Variants in GABRB2 observed in about 807,000 individuals in gnomAD.
GABRB2 encodes gamma-aminobutyric acid type A receptor subunit beta2, also known as gamma-aminobutyric acid receptor subunit beta-2.
Under a neutral mutation model 54.7 loss-of-function variants are expected in GABRB2, and 16 were observed. The observed-to-expected ratio is 0.29, with a 90% CI of 0.20 to 0.44. GABRB2 has a LOEUF of 0.44. GABRB2 is among the 20% of genes least tolerant of loss of function. The pLI, the probability that GABRB2 is intolerant of heterozygous loss-of-function variation, is 1.00. For synonymous variants in GABRB2, 244 were observed against 233.8 expected, an observed-to-expected ratio of 1.04 and a Z score of -0.40; for missense variants, 355 against 644.0, an observed-to-expected ratio of 0.55 and a Z score of 4.86.
intron 8 of GABRB2, chr5:161,329,398 G>T (rs942291379): frequency 5.9e-5 from 9 of 152,184 alleles, no homozygotes; most frequent in Non-Finnish European, 1.3e-4. Context: ...GTGTGGGAAA[G>T]AATTTGACAA....
At chr5:161,479,276 G>A (rs1051150705) in intron 3 of GABRB2, among the ~76,000 whole-genome samples, 1 of 151,972 alleles carries the variant, frequency 6.6e-6, no homozygotes, top group African/African-American at 2.4e-5. Context: ...TGCACAAACA[G>A]GCCAGGATTG....
chr5:161,453,083 T>C (rs1344395006), intron 4 of GABRB2, among the ~76,000 whole-genome samples: 1 of 152,250 alleles, frequency 6.6e-6, no homozygotes, highest in African/African-American at 2.4e-5. Context: ...TATTTTGGAA[T>C]AGACCATATT....
chr5:161,377,544 AG>A lies in GABRB2; in HGVS notation c.541+33430del, dbSNP rs140133310. 2.3e-3 allele frequency among the ~76,000 whole-genome samples: 348 copies of A among 152,268 alleles called. 2 individuals carry two copies. The highest frequency in any genetic ancestry group is 7.8e-3 in the African/African-American group (324 of 41,556). ...ATTTTTTCTCTATTTAGTGACTTGAAGGTTTTATAAAAAGAAAACAAAACAA... is the reference window on the plus strand; with the variant it reads ...ATTTTTTCTCTATTTAGTGACTTGAAGTTTTATAAAAAGAAAACAAAACAA... On this transcript the variant is annotated intron_variant, in intron 5 of 9. Transcript: ENST00000393959.
upstream of GABRB2, chr5:161,546,807 A>G: frequency 7.0e-7 from 1 of 1,422,248 alleles, no homozygotes; most frequent in Non-Finnish European, 9.2e-7. Flanking sequence ...TTGTTTAAAA[A>G]AAAAAAAAAA....
intron 3 of GABRB2, among the ~76,000 whole-genome samples, chr5:161,515,286 A>C (rs1759902470): frequency 1.3e-5 from 2 of 152,162 alleles, no homozygotes; most frequent in South Asian, 2.1e-4. Context: ...TTTTTTAAAA[A>C]AAATTCAAAA....
intron 4 of GABRB2, among the ~76,000 whole-genome samples, chr5:161,431,074 G>A (rs1030985094): frequency 1.3e-5 from 2 of 152,118 alleles, no homozygotes; most frequent in African/African-American, 4.8e-5. Flanking sequence ...ATAACATTTG[G>A]AACCAGGCTT....
At chr5:161,437,151 G>A (rs1002135701) in intron 4 of GABRB2, among the ~76,000 whole-genome samples, 1 of 152,106 alleles carries the variant, frequency 6.6e-6, no homozygotes, top group Non-Finnish European at 1.5e-5. Flanking sequence ...TACTGAGACA[G>A]CAGCTGGGAC....
At chr5:161,512,164 A>T (rs543698798) in intron 3 of GABRB2, among the ~76,000 whole-genome samples, 3 of 152,102 alleles carry the variant, frequency 2.0e-5, no homozygotes, top group Non-Finnish European at 4.4e-5. Context: ...CATACTGCCC[A>T]AAGCAATCTT....
intron 3 of GABRB2, among the ~76,000 whole-genome samples, chr5:161,536,756 C>T (rs138799630): frequency 0.013 from 1,959 of 152,228 alleles, 18 homozygotes; most frequent in Non-Finnish European, 0.019. Context: ...CACCACCACG[C>T]CCAGCTAATT....
At chr5:161,348,200 A>G (rs905960476) in intron 5 of GABRB2, among the ~76,000 whole-genome samples, 3 of 152,088 alleles carry the variant, frequency 2.0e-5, no homozygotes, top group African/African-American at 7.2e-5. Context: ...GGGTTATAGC[A>G]CTTCATAATT....
At position 161,291,155 on chromosome 5, in the gene GABRB2, A is replaced by G. The variant is rs1757227766; in HGVS notation, c.*2926T>C. On this transcript the variant is annotated 3_prime_UTR_variant, in exon 10 of 10. Coordinates refer to ENST00000393959, the MANE Select transcript of GABRB2 (RefSeq NM_001371727.1). The stretch of plus-strand genomic sequence containing the variant: ...GTACAATATATATATATACAGATTG[A>G]GATCAAAGATTTCATGTAGACTGTG... 6.6e-6 allele frequency: 1 copy of G among 152,564 alleles called. No individual in the cohort carries two copies. Among genetic ancestry groups the G allele is most frequent in the African/African-American group, 2.4e-5 (1 of 41,442 alleles). 9.5% of individuals were successfully genotyped at this position (152,564 alleles called of 1,614,324 possible). A position where few individuals can be genotyped will look rare whatever the true frequency, so the allele number is the denominator to read the frequency against.
intron 3 of GABRB2, among the ~76,000 whole-genome samples, chr5:161,504,771 T>C (rs1441226120): frequency 6.9e-6 from 1 of 145,712 alleles, no homozygotes; most frequent in Non-Finnish European, 1.5e-5. Flanking sequence ...AAAAAAGGTA[T>C]ATCACCACAG....
chr5:161,328,303 T>C (rs1217416584), intron 8 of GABRB2, among the ~76,000 whole-genome samples: 1 of 152,194 alleles, frequency 6.6e-6, no homozygotes, highest in Non-Finnish European at 1.5e-5. Flanking sequence ...ACTGCAAATT[T>C]TATTTTAAAA....
intron 9 of GABRB2, among the ~76,000 whole-genome samples, chr5:161,302,746 C>T (rs776074622): frequency 3.9e-5 from 6 of 152,174 alleles, no homozygotes; most frequent in Non-Finnish European, 5.9e-5. Flanking sequence ...CTGGGAATAT[C>T]CAAAGCGCTC....
chr5:161,299,756 C>T (rs1455672711), intron 9 of GABRB2, among the ~76,000 whole-genome samples: 1 of 152,000 alleles, frequency 6.6e-6, no homozygotes, highest in Non-Finnish European at 1.5e-5. Flanking sequence ...CCAAAGAATC[C>T]TAACAGATTC....
chr5:161,485,223 G>A lies in GABRB2; in HGVS notation c.238-25379C>T, dbSNP rs139760144. On this transcript the variant is annotated intron_variant, in intron 3 of 9. Coordinates refer to ENST00000393959, the MANE Select transcript of GABRB2 (RefSeq NM_001371727.1). ...TGGGTTAGACGCCTTCCAGTATACT[G>A]TCACAACAATTCATATTTCTCCTGG... is the stretch of plus-strand genomic sequence containing the variant. Among the ~76,000 whole-genome samples the A allele has an allele frequency of 9.0e-4, 137 of 152,042 alleles. 1 individual carries two copies. Among genetic ancestry groups the A allele is most frequent in the African/African-American group, 3.2e-3 (131 of 41,508 alleles).
chr5:161,314,148 A>T (rs1232553807), intron 9 of GABRB2, among the ~76,000 whole-genome samples: 1 of 152,204 alleles, frequency 6.6e-6, no homozygotes, highest in Non-Finnish European at 1.5e-5. Context: ...GGAAATCTGA[A>T]ATCCTCTGTC....
At chr5:161,543,143 G>T (rs1399233684) in intron 3 of GABRB2, among the ~76,000 whole-genome samples, 1 of 152,184 alleles carries the variant, frequency 6.6e-6, no homozygotes, top group Non-Finnish European at 1.5e-5. Context: ...TTGCAATGTT[G>T]TCCCATTTAC....
At chr5:161,401,989 A>C (rs545258163) in intron 5 of GABRB2, among the ~76,000 whole-genome samples, 1 of 152,012 alleles carries the variant, frequency 6.6e-6, no homozygotes, top group Non-Finnish European at 1.5e-5. Flanking sequence ...TGGGGCATTA[A>C]ATTTTTAGTT....
Sources: allele counts gnomAD v4.1 joint callset (sites outside exome capture counted in the v4.1 genomes callset), GRCh38; gene constraint gnomAD v4.1.1; transcripts MANE v1.5; gene names NCBI Gene and HGNC (gene_info 2026-07-23, HGNC 2026-07-21).